The following FAM3B variants were observed in gnomAD, a reference collection of about 807,000 sequenced individuals.
The protein encoded by FAM3B is FAM3 metabolism regulating signaling molecule B.
Under a neutral mutation model 28.4 loss-of-function variants are expected in FAM3B, and 29 were observed. The ratio of observed to expected loss-of-function variants is 1.02; its 90% CI spans 0.76 to 1.39. FAM3B has a LOEUF of 1.39. Among genes scored for constraint, FAM3B ranks in the 40% most tolerant of loss-of-function variants. The pLI is 0.00. For synonymous variants in FAM3B, 91 were observed against 103.0 expected, an observed-to-expected ratio of 0.88 and a Z score of 0.71; for missense variants, 266 against 293.9, an observed-to-expected ratio of 0.91 and a Z score of 0.69.
intron 1 of FAM3B, among the ~76,000 whole-genome samples, chr21:41,322,219 A>ACCT (rs1481005277): frequency 6.6e-5 from 10 of 152,170 alleles, no homozygotes; most frequent in South Asian, 2.1e-4. Flanking sequence ...ACCCAGGAGG[A>ACCT]GATCAATGCC....
chr21:41,340,841 C>G (rs2088999900), intron 3 of FAM3B, among the ~76,000 whole-genome samples: 1 of 152,066 alleles, frequency 6.6e-6, no homozygotes, highest in Non-Finnish European at 1.5e-5. Context: ...ACCTCTTGTT[C>G]CCATCTCCAT....
At chr21:41,344,236 T>TGTCCAGGTCCCCTGAGA (rs891088047) in intron 3 of FAM3B, among the ~76,000 whole-genome samples, 4 of 152,266 alleles carry the variant, frequency 2.6e-5, no homozygotes, top group Admixed American at 2.0e-4. Context: ...TTGAATGCAG[T>TGTCCAGGTCCCCTGAGA]GTCCAGGTCC....
At chr21:41,331,575 T>C (rs553244577) in intron 2 of FAM3B, among the ~76,000 whole-genome samples, 62 of 152,316 alleles carry the variant, frequency 4.1e-4, no homozygotes, top group African/African-American at 1.4e-3. Context: ...TCAGGTTTTA[T>C]GGTTAAGTCA....
At chr21:41,313,521 G>A (rs1478806411), upstream of FAM3B, among the ~76,000 whole-genome samples, 96 of 86,056 alleles carry the variant, frequency 1.1e-3, no homozygotes, top group Non-Finnish European at 1.9e-3. Flanking sequence ...TATGCATGTC[G>A]CATTTGATCC....
chr21:41,312,818 G>A (rs1323679650), upstream of FAM3B, among the ~76,000 whole-genome samples: 1 of 151,798 alleles, frequency 6.6e-6, no homozygotes, highest in Non-Finnish European at 1.5e-5. Context: ...AGCCACAGAG[G>A]CACATTGTGC....
chr21:41,346,670 A>T (rs1376981301), intron 5 of FAM3B, among the ~76,000 whole-genome samples: 1 of 151,590 alleles, frequency 6.6e-6, no homozygotes, highest in Admixed American at 6.6e-5. Context: ...CTCATTTCTA[A>T]GGAGGGTTTT....
chr21:41,354,536 G>A (rs1197279378), intron 7 of FAM3B, among the ~76,000 whole-genome samples: 3 of 152,198 alleles, frequency 2.0e-5, no homozygotes, highest in East Asian at 1.9e-4. Flanking sequence ...GCAGGGACAT[G>A]TATGGAGCTG....
chr21:41,353,355 T>A (rs936837677), intron 7 of FAM3B, among the ~76,000 whole-genome samples: 1 of 152,192 alleles, frequency 6.6e-6, no homozygotes, highest in East Asian at 1.9e-4. Flanking sequence ...ACAAAAACAG[T>A]CTTGAAAAAG....
chr21:41,313,457 C>G (rs1271913503), upstream of FAM3B, among the ~76,000 whole-genome samples: 1 of 151,594 alleles, frequency 6.6e-6, no homozygotes, highest in Non-Finnish European at 1.5e-5. Context: ...CCTCATCATA[C>G]AGTATGTATG....
chr21:41,353,301 A>G (rs1601377431), intron 7 of FAM3B, among the ~76,000 whole-genome samples: 1 of 152,376 alleles, frequency 6.6e-6, no homozygotes, highest in South Asian at 2.1e-4. Flanking sequence ...AGAAATTGAC[A>G]AGTTCATCCT....
At chr21:41,327,319 T>TA (rs2088862751) in intron 2 of FAM3B, among the ~76,000 whole-genome samples, 1 of 152,238 alleles carries the variant, frequency 6.6e-6, no homozygotes. Flanking sequence ...CCTTATTAAT[T>TA]AAAGGTTTAA....
At chr21:41,306,036 C>A (rs567422434) in intron 1 of FAM3B, among the ~76,000 whole-genome samples, 2 of 152,342 alleles carry the variant, frequency 1.3e-5, no homozygotes, top group East Asian at 1.9e-4. Flanking sequence ...TCTTTGTTGT[C>A]ATTTCAACAA....
intron 1 of FAM3B, chr21:41,320,471 A>G (rs1400078058): frequency 6.6e-6 from 1 of 152,314 alleles, no homozygotes; most frequent in Non-Finnish European, 1.5e-5. Context: ...GCCTGAGGAA[A>G]TGATGCTGCC....
At chr21:41,320,290 T>C (rs2088790560) in intron 1 of FAM3B, 1 of 152,136 alleles carries the variant, frequency 6.6e-6, no homozygotes. Context: ...TTTAAAATTT[T>C]TTGTAGACAT....
chr21:41,330,527 C>T (rs975017691), intron 2 of FAM3B, among the ~76,000 whole-genome samples: 2 of 152,204 alleles, frequency 1.3e-5, no homozygotes, highest in East Asian at 1.9e-4. Flanking sequence ...ATCTCTTGAA[C>T]TTATTCCTCC....
At chr21:41,322,616 G>A in intron 1 of FAM3B, 2 of 717,592 alleles carry the variant, frequency 2.8e-6, no homozygotes, top group Non-Finnish European at 5.2e-6. Flanking sequence ...GGCTCACAAG[G>A]TGCTTGATTA....
At chr21:41,354,798 A>G (rs1435293971) in intron 7 of FAM3B, among the ~76,000 whole-genome samples, 1 of 151,698 alleles carries the variant, frequency 6.6e-6, no homozygotes, top group African/African-American at 2.4e-5. Context: ...ATGTTTACCT[A>G]TGGAACAAAC....
intron 2 of FAM3B, among the ~76,000 whole-genome samples, chr21:41,331,716 G>C (rs774072751): frequency 5.3e-5 from 8 of 152,126 alleles, no homozygotes; most frequent in Non-Finnish European, 1.2e-4. Flanking sequence ...AACTTGAGTT[G>C]ATGTTATGAA....
Position 41,322,963 on chromosome 21 carries a change from T to G in FAM3B, c.60T>G (p.Cys20Trp), listed in dbSNP as rs1227235532. 1 of 1,613,382 alleles carries G rather than the reference T, an allele frequency of 6.2e-7. No individual in the cohort carries two copies. The highest frequency in any genetic ancestry group is 8.5e-7 in the Non-Finnish European group (1 of 1,180,030). ...KVVFVVFASL[C>W]AWYSGYLLAE... ...TGTTCGTGGTCTTCGCCTCCTTGTG[T>G]GCCTGGTATTCGGGGTACCTGCTCG... Residue 20 changes from cysteine to tryptophan, a missense_variant, in exon 2 of 8, where the codon TGT (cysteine) becomes TGG (tryptophan). Cys to Trp is a radical substitution (Grantham distance 215, BLOSUM62 -2). Transcript: ENST00000357985.
Sources: gnomAD v4.1 joint callset for allele counts (sites outside exome capture counted in the v4.1 genomes callset) on GRCh38, gnomAD v4.1.1 for gene constraint, MANE v1.5 for transcripts, NCBI Gene and HGNC (gene_info 2026-07-23, HGNC 2026-07-21) for gene names.